MAP3K5: variants seen among roughly 807,000 people sequenced by gnomAD.
MAP3K5 encodes ASK-1.
In MAP3K5, 56 loss-of-function variants were observed where a neutral mutation model predicts 158.7. The ratio of observed to expected loss-of-function variants is 0.35; its 90% CI spans 0.28 to 0.44. The LOEUF is 0.44. MAP3K5 is among the 20% of genes least tolerant of loss of function. MAP3K5 has a pLI of 1.00. For synonymous variants in MAP3K5, 579 were observed against 601.7 expected, an observed-to-expected ratio of 0.96 and a Z score of 0.55; for missense variants, 1,294 against 1,674.8, an observed-to-expected ratio of 0.77 and a Z score of 3.97.
chr6:136,573,408 G>T (rs1485160404), intron 25 of MAP3K5, among the ~76,000 whole-genome samples: 1 of 152,150 alleles, frequency 6.6e-6, no homozygotes, highest in Non-Finnish European at 1.5e-5. Context: ...TTATATGGTA[G>T]AACTTCTCAG....
intron 2 of MAP3K5, among the ~76,000 whole-genome samples, chr6:136,716,257 G>A (rs1781524296): frequency 1.3e-5 from 2 of 151,864 alleles, no homozygotes; most frequent in South Asian, 4.1e-4. Context: ...TTCCCAAATT[G>A]CGCTTCAGAA....
At chr6:136,782,743 T>C (rs1784670461) in intron 1 of MAP3K5, among the ~76,000 whole-genome samples, 1 of 152,240 alleles carries the variant, frequency 6.6e-6, no homozygotes, top group African/African-American at 2.4e-5. Flanking sequence ...ATGCCCTTAA[T>C]ATTTAAAATT....
intron 1 of MAP3K5, among the ~76,000 whole-genome samples, chr6:136,762,269 G>C (rs757021727): frequency 6.6e-6 from 1 of 152,206 alleles, no homozygotes; most frequent in Non-Finnish European, 1.5e-5. Context: ...GAGAGGGTAT[G>C]GGAATGAGCA....
intron 18 of MAP3K5, among the ~76,000 whole-genome samples, chr6:136,606,695 G>A (rs77926775): frequency 0.027 from 4,080 of 152,290 alleles, 68 homozygotes; most frequent in Non-Finnish European, 0.044. Context: ...ATGCCATGTT[G>A]AATTACTTCA....
rs60678515 is a variant in MAP3K5 at position 136,716,027 on chromosome 6, C to CAAAAAAAAAAAAAAAAAAAAAAAAAAAAA, written c.588+4394_588+4422dup. Among the ~76,000 whole-genome samples, 9 of 23,034 alleles carry CAAAAAAAAAAAAAAAAAAAAAAAAAAAAA rather than the reference C, an allele frequency of 3.9e-4. 3 individuals carry two copies. Among genetic ancestry groups the CAAAAAAAAAAAAAAAAAAAAAAAAAAAAA allele is most frequent in the Non-Finnish European group, 6.3e-4 (9 of 14,208 alleles). 15.1% of individuals were successfully genotyped at this position (23,034 alleles called of 152,430 possible). On this transcript the variant is annotated intron_variant, in intron 2 of 29. Transcript: ENST00000359015. ...CCCGGGTGACAAAGCAAGATCGTCT[C>CAAAAAAAAAAAAAAAAAAAAAAAAAAAAA]AAAAAAAAAAAAAAAAAAAAAAAAA...
intron 1 of MAP3K5, among the ~76,000 whole-genome samples, 196 bp downstream of exon 1, chr6:136,791,514 A>G (rs535247637): frequency 6.6e-6 from 1 of 152,302 alleles, no homozygotes; most frequent in South Asian, 2.1e-4. Flanking sequence ...GCACAAGTAC[A>G]CACAGACTCT....
intron 14 of MAP3K5, among the ~76,000 whole-genome samples, chr6:136,626,204 T>TAG (rs1201232574): frequency 6.6e-5 from 10 of 152,124 alleles, no homozygotes; most frequent in African/African-American, 2.2e-4. Context: ...CAGGCCCTTA[T>TAG]AGAAGGCAGT....
Position 136,680,763 on chromosome 6 carries a change from T to C in MAP3K5, c.1254-11368A>G, listed in dbSNP as rs17065581. Reference sequence around the variant, plus strand: ...AAATTTGATTACTCTTAAGGGTGAATAGTTTTCATATGTACACTTACTCTT... The same window carrying C: ...AAATTTGATTACTCTTAAGGGTGAACAGTTTTCATATGTACACTTACTCTT... On this transcript the variant is annotated intron_variant, in intron 7 of 29. Transcript: ENST00000359015. 1.6e-3 allele frequency among the ~76,000 whole-genome samples: 240 copies of C among 152,306 alleles called. 5 individuals carry two copies. In the East Asian group the frequency reaches 0.039, roughly 25 times the overall value.
At chr6:136,715,923 G>A (rs775956012) in intron 2 of MAP3K5, among the ~76,000 whole-genome samples, 8 of 150,448 alleles carry the variant, frequency 5.3e-5, no homozygotes, top group Non-Finnish European at 1.5e-5. Context: ...CCAGCTACTA[G>A]GGAGGCTGAG....
intron 1 of MAP3K5, among the ~76,000 whole-genome samples, chr6:136,770,527 A>G (rs1444133150): frequency 2.0e-5 from 3 of 152,212 alleles, no homozygotes; most frequent in Non-Finnish European, 4.4e-5. Flanking sequence ...CTTTTCCTAT[A>G]TCATACAACA....
At chr6:136,617,808 C>T (rs1232173320) in intron 15 of MAP3K5, among the ~76,000 whole-genome samples, 1 of 152,098 alleles carries the variant, frequency 6.6e-6, no homozygotes, top group Non-Finnish European at 1.5e-5. Context: ...TGGCAGGTGC[C>T]TGTAATCCCA....
chr6:136,777,219 TAC>T (rs2115026187), intron 1 of MAP3K5, among the ~76,000 whole-genome samples: 1 of 152,316 alleles, frequency 6.6e-6, no homozygotes, highest in East Asian at 1.9e-4. Flanking sequence ...TGCAATAATA[TAC>T]ACACGCTAAG....
chr6:136,650,870 C>A (rs1204172077), intron 11 of MAP3K5, 114 bp downstream of exon 11: 12 of 581,164 alleles, frequency 2.1e-5, no homozygotes, highest in Admixed American at 1.3e-4. Flanking sequence ...GACAGACACA[C>A]AGCTGAGCTA....
chr6:136,612,176 G>A (rs1005628263), intron 17 of MAP3K5, among the ~76,000 whole-genome samples: 37 of 152,236 alleles, frequency 2.4e-4, no homozygotes, highest in African/African-American at 8.4e-4. Flanking sequence ...TGGAGAAGCT[G>A]ATTTGAATAA....
intron 2 of MAP3K5, among the ~76,000 whole-genome samples, chr6:136,717,734 C>T (rs556099732): frequency 5.9e-5 from 9 of 152,278 alleles, no homozygotes; most frequent in Admixed American, 2.0e-4. Context: ...CAACTCTTTT[C>T]GGTAGCATAG....
At chr6:136,670,536 C>G (rs985163324) in intron 7 of MAP3K5, among the ~76,000 whole-genome samples, 1 of 151,946 alleles carries the variant, frequency 6.6e-6, no homozygotes, top group African/African-American at 2.4e-5. Context: ...TAAAAGCATT[C>G]TCACCTAAGT....
intron 11 of MAP3K5, among the ~76,000 whole-genome samples, chr6:136,643,417 T>G (rs1173865769): frequency 6.6e-6 from 1 of 152,202 alleles, no homozygotes; most frequent in Non-Finnish European, 1.5e-5. Flanking sequence ...GGCAATAAAC[T>G]GACACTGACA....
chr6:136,653,568 C>T (rs757189297), intron 10 of MAP3K5, among the ~76,000 whole-genome samples: 4 of 152,102 alleles, frequency 2.6e-5, no homozygotes, highest in African/African-American at 7.2e-5. Flanking sequence ...AGGGAGAGCA[C>T]GGGTGGCAAA....
intron 21 of MAP3K5, among the ~76,000 whole-genome samples, chr6:136,595,683 T>C (rs1775593683): frequency 6.6e-6 from 1 of 152,108 alleles, no homozygotes; most frequent in African/African-American, 2.4e-5. Context: ...TTTTAGTGGA[T>C]AAGGGGTGTT....
Sources: allele counts gnomAD v4.1 joint callset (sites outside exome capture counted in the v4.1 genomes callset), GRCh38; gene constraint gnomAD v4.1.1; transcripts MANE v1.5; gene names NCBI Gene and HGNC (gene_info 2026-07-23, HGNC 2026-07-21).